Variants in ADGRV1 observed in about 807,000 individuals in gnomAD.
The protein encoded by ADGRV1 is adhesion G protein-coupled receptor V1, also known as G-protein coupled receptor 98.
A neutral mutation model predicts 596.2 loss-of-function variants in ADGRV1; 359 were observed. The observed-to-expected ratio is 0.60, with a 90% CI of 0.55 to 0.66. The LOEUF is 0.66. Among genes scored for constraint, ADGRV1 ranks in the 30% least tolerant of loss-of-function variants. ADGRV1 has a pLI of 0.00. For synonymous variants in ADGRV1, 2,681 were observed against 2,679.2 expected (o/e 1.00, Z -0.02); for missense variants, 7,274 against 7,575.6 (o/e 0.96, Z 1.48).
chr5:90,746,623 C>T (rs1389423188), intron 52 of ADGRV1, among the ~76,000 whole-genome samples: 1 of 152,166 alleles, frequency 6.6e-6, no homozygotes, highest in African/African-American at 2.4e-5. Flanking sequence ...TTTGCCATCA[C>T]AAAATTGACT....
chr5:90,585,714 C>A (rs149767958), intron 1 of ADGRV1, among the ~76,000 whole-genome samples: 172 of 152,322 alleles, frequency 1.1e-3, no homozygotes, highest in African/African-American at 3.7e-3. Context: ...GATTAGTCAG[C>A]TGAAAGAGAA....
chr5:90,852,578 C>T (rs557639918), intron 79 of ADGRV1, among the ~76,000 whole-genome samples: 23 of 152,254 alleles, frequency 1.5e-4, no homozygotes, highest in African/African-American at 5.5e-4. Flanking sequence ...CTAATCCCCT[C>T]CTTCAGTAGG....
At chr5:91,131,067 C>T (rs1409393680) in intron 87 of ADGRV1, among the ~76,000 whole-genome samples, 1 of 152,194 alleles carries the variant, frequency 6.6e-6, no homozygotes, top group Admixed American at 6.5e-5. Flanking sequence ...GTGAATAGTG[C>T]TGTGATAATA....
chr5:90,765,053 G>A (rs1054685480), intron 59 of ADGRV1, among the ~76,000 whole-genome samples: 2 of 152,130 alleles, frequency 1.3e-5, no homozygotes, highest in African/African-American at 2.4e-5. Flanking sequence ...CTCCTTGGGG[G>A]TCAATCTCTG....
chr5:90,918,128 G>T (rs1202582563), intron 83 of ADGRV1, among the ~76,000 whole-genome samples: 1 of 151,946 alleles, frequency 6.6e-6, no homozygotes, highest in Non-Finnish European at 1.5e-5. Flanking sequence ...AGGCTGTTTG[G>T]CTTTCACAGT....
chr5:90,651,547 A>G, intron 17 of ADGRV1, 57 bp from the exon 18 acceptor site: 1 of 1,344,660 alleles, frequency 7.4e-7, no homozygotes, highest in African/African-American at 1.5e-5. Context: ...AAAAGTATAA[A>G]TTTTACAGCA....
rs1489540322 is a variant in ADGRV1, at chr5:90,615,116, A to T, written c.207+97A>T. 15 of 714,300 alleles carry T rather than the reference A, an allele frequency of 2.1e-5. 1 individual carries two copies. In the East Asian group the frequency reaches 2.3e-4, roughly 11 times the overall value. The allele number at this position is 714,300 out of a possible 1,614,324, so 44.2% of individuals were successfully genotyped here. On this transcript the variant is annotated intron_variant, in intron 2 of 89. Transcript: ENST00000405460. ...TTTTTTTCTGTTTGAGATTTTGAGCAGTTTCATTATGATAAATGATGGATA... is the reference window on the plus strand; with the variant it reads ...TTTTTTTCTGTTTGAGATTTTGAGCTGTTTCATTATGATAAATGATGGATA...
In ADGRV1 at chr5:90,968,594, A is replaced by G. The variant is rs1778679987; in HGVS notation, c.17973+3063A>G. On this transcript the variant is annotated intron_variant, in intron 84 of 89. Transcript: ENST00000405460. ...GGTTTGTGATTTGACCACAAGGGAA[A>G]AAGTCAGTCAGTTCTGAATTCTAGT... 2.6e-5 allele frequency among the ~76,000 whole-genome samples: 4 copies of G among 152,336 alleles called. No individual in the cohort carries two copies. In the South Asian group the frequency reaches 8.3e-4, roughly 32 times the overall value.
chr5:90,840,574 C>T lies in ADGRV1; in HGVS notation c.16612-4C>T. ...TCACTTAAATGGTGTTGTTTAATTT[C>T]TAGGAGTTGAGGAGTGCTGAAACAA... is the stretch of plus-strand genomic sequence containing the variant. On this transcript the variant is annotated splice_polypyrimidine_tract_variant and splice_region_variant and intron_variant, in intron 77 of 89. Coordinates refer to ENST00000405460, the MANE Select transcript of ADGRV1 (RefSeq NM_032119.4). The T allele has an allele frequency of 6.3e-7, 1 of 1,579,778 alleles. No individual in the cohort carries two copies. The highest frequency in any genetic ancestry group is 8.6e-7 in the Non-Finnish European group (1 of 1,161,322).
intron 85 of ADGRV1, among the ~76,000 whole-genome samples, chr5:91,017,623 T>C (rs1181721904): frequency 2.0e-5 from 3 of 151,952 alleles, no homozygotes; most frequent in African/African-American, 4.8e-5. Context: ...CATCAAGATG[T>C]AGACATGTCA....
Position 90,720,184 on chromosome 5 carries a change from C to A in ADGRV1, c.9584C>A (p.Ala3195Asp). 6.2e-7 allele frequency: 1 copy of A among 1,606,212 alleles called. No homozygotes were observed. The highest frequency in any genetic ancestry group is 8.5e-7 in the Non-Finnish European group (1 of 1,176,278). Residue 3195 changes from alanine to aspartate, a missense_variant, in exon 44 of 90, where the codon GCC becomes GAC. Physicochemically the swap from Ala to Asp is moderately radical, Grantham distance 126 (BLOSUM62 -2). Around this residue, in one of 5 missense-constraint regions of ADGRV1, gnomAD observed 3,643 missense variants for 3,809.2 expected, o/e 0.96. Transcript: ENST00000405460. The part of the protein sequence containing the change: ...QTLITVLQNQ[A>D]PLGLFSISAV... ...CTGATAACAGTTTTGCAAAACCAGG[C>A]CCCTTTGGGGCTATTCAGTATCTCT...
intron 45 of ADGRV1, among the ~76,000 whole-genome samples, chr5:90,724,063 G>T (rs930208094): frequency 6.6e-6 from 1 of 151,794 alleles, no homozygotes; most frequent in African/African-American, 2.4e-5. Context: ...TGAAAAATTA[G>T]ATAGGCATAA....
chr5:90,968,810 G>A (rs1778699258), intron 84 of ADGRV1, among the ~76,000 whole-genome samples: 1 of 152,050 alleles, frequency 6.6e-6, no homozygotes, highest in South Asian at 2.1e-4. Flanking sequence ...ATTGAGAGAA[G>A]TTTTTACTTT....
At chr5:91,091,134 A>G (rs1466890748) in intron 86 of ADGRV1, among the ~76,000 whole-genome samples, 1 of 152,190 alleles carries the variant, frequency 6.6e-6, no homozygotes, top group Non-Finnish European at 1.5e-5. Flanking sequence ...GAAGCATTCA[A>G]TGCTTGCAGC....
At position 90,628,569 on chromosome 5, in the gene ADGRV1, G is replaced by A. The variant is rs1291844561; in HGVS notation, c.1246G>A (p.Glu416Lys). 1 of 1,613,338 alleles carries A rather than the reference G, an allele frequency of 6.2e-7. No individual in the cohort carries two copies. The highest frequency in any genetic ancestry group is 8.5e-7 in the Non-Finnish European group (1 of 1,179,362). ...TCTTTTAAAACATTTAAGATATGAA[G>A]AAATCACAGTGGTTAGAAATGGAGG... Reference protein sequence around the residue: ...IDEDRISRYEEITVVRNGGTH... With the variant: ...IDEDRISRYEKITVVRNGGTH... The change falls in exon 8 of 90, where the codon GAA becomes AAA. Residue 416 changes from glutamate to lysine, a missense_variant. Physicochemically the swap from Glu to Lys is moderately conservative, Grantham distance 56. Coordinates refer to ENST00000405460, the MANE Select transcript of ADGRV1 (RefSeq NM_032119.4).
intron 85 of ADGRV1, among the ~76,000 whole-genome samples, chr5:91,066,859 G>A (rs1444266995): frequency 2.6e-5 from 4 of 152,240 alleles, no homozygotes; most frequent in Non-Finnish European, 5.9e-5. Flanking sequence ...CTGCAATGCT[G>A]TAGATAGAGA....
chr5:90,699,975 A>G (rs909277854), intron 34 of ADGRV1, among the ~76,000 whole-genome samples: 2 of 152,120 alleles, frequency 1.3e-5, no homozygotes, highest in Non-Finnish European at 2.9e-5. Flanking sequence ...TAGATTTTTT[A>G]TGTTTTCTAC....
chr5:91,068,716 A>T (rs1240531170), intron 85 of ADGRV1, among the ~76,000 whole-genome samples: 1 of 152,136 alleles, frequency 6.6e-6, no homozygotes, highest in Non-Finnish European at 1.5e-5. Flanking sequence ...TACCCAAAGC[A>T]ATCTACAGAG....
At chr5:90,569,531 G>A (rs1045883593) in intron 1 of ADGRV1, among the ~76,000 whole-genome samples, 2 of 148,486 alleles carry the variant, frequency 1.3e-5, no homozygotes, top group East Asian at 2.0e-4. Context: ...CTTTTAATTG[G>A]AGTATTTAAT....
Sources: allele counts gnomAD v4.1 joint callset (sites outside exome capture counted in the v4.1 genomes callset), GRCh38; gene constraint gnomAD v4.1.1; regional missense constraint gnomAD v4.1.1; transcripts MANE v1.5; gene names NCBI Gene and HGNC (gene_info 2026-07-23, HGNC 2026-07-21).